ULK4: variants seen among roughly 807,000 people sequenced by gnomAD.
The protein encoded by ULK4 is unc-51 like kinase 4.
A neutral mutation model predicts 160.6 loss-of-function variants in ULK4; 133 were observed. That is an observed-to-expected ratio of 0.83 (90% CI 0.72 to 0.96). The LOEUF (loss-of-function observed/expected upper bound fraction) is 0.96. Ranked by LOEUF, ULK4 falls within the 40% of genes least tolerant of loss-of-function variation. The pLI is 0.00. For missense variants in ULK4, 1,580 were observed against 1,499.5 expected (o/e 1.05, Z -0.89); for synonymous variants, 534 against 539.8 (o/e 0.99, Z 0.15).
intron 29 of ULK4, among the ~76,000 whole-genome samples, chr3:41,667,076 C>T (rs973630385): frequency 6.6e-6 from 1 of 151,892 alleles, no homozygotes; most frequent in Non-Finnish European, 1.5e-5. Context: ...ATTGCTTGAG[C>T]CCAGGCATTT....
Position 41,431,547 on chromosome 3 carries a change from C to CTTTTTTTTTTTTTTTTTTTTTTTT in ULK4, c.3492+23949_3492+23950insAAAAAAAAAAAAAAAAAAAAAAAA, listed in dbSNP as rs1553664758. On this transcript the variant is annotated intron_variant, in intron 34 of 36. Transcript: ENST00000301831. Reference sequence around the variant, plus strand: ...CCTGTGAGGTGTTGTAATTCCCTCCCTTTTTTTTTTTTTTTGATGTGGAAA... The same window carrying CTTTTTTTTTTTTTTTTTTTTTTTT: ...CCTGTGAGGTGTTGTAATTCCCTCCCTTTTTTTTTTTTTTTTTTTTTTTTTTTTTTTTTTTTTTTGATGTGGAAA... Among the ~76,000 whole-genome samples the CTTTTTTTTTTTTTTTTTTTTTTTT allele has an allele frequency of 7.5e-3, 718 of 95,658 alleles. 67 individuals are homozygous for CTTTTTTTTTTTTTTTTTTTTTTTT. Among genetic ancestry groups the CTTTTTTTTTTTTTTTTTTTTTTTT allele is most frequent in the East Asian group, 0.017 (39 of 2,254 alleles). The allele number at this position is 95,658 out of a possible 152,430, so 62.8% of individuals were successfully genotyped here.
At chr3:41,774,298 G>C (rs2039519790) in intron 21 of ULK4, among the ~76,000 whole-genome samples, 1 of 150,466 alleles carries the variant, frequency 6.6e-6, no homozygotes, top group Non-Finnish European at 1.5e-5. Flanking sequence ...CTACAAAATG[G>C]GAGAAAATTT....
chr3:41,577,286 GACCTTGGAAGA>G (rs375671892), intron 31 of ULK4, among the ~76,000 whole-genome samples: 80 of 152,250 alleles, frequency 5.3e-4, no homozygotes, highest in African/African-American at 1.8e-3. Context: ...TAAGCTACTA[GACCTTGGAAGA>G]ATCTTAGAGA....
intron 34 of ULK4, among the ~76,000 whole-genome samples, chr3:41,410,531 G>A (rs2082389318): frequency 6.6e-6 from 1 of 152,122 alleles, no homozygotes; most frequent in South Asian, 2.1e-4. Context: ...AATGGGGAAT[G>A]ACTTTTAATG....
At chr3:41,597,031 G>A (rs2031740188) in intron 31 of ULK4, among the ~76,000 whole-genome samples, 1 of 152,146 alleles carries the variant, frequency 6.6e-6, no homozygotes, top group Non-Finnish European at 1.5e-5. Flanking sequence ...GCTCCCTTGG[G>A]TTGGGGTTGG....
intron 30 of ULK4, among the ~76,000 whole-genome samples, chr3:41,648,760 A>G (rs370931400): frequency 7.9e-5 from 12 of 152,258 alleles, no homozygotes; most frequent in South Asian, 4.1e-4. Context: ...AAGAACATCA[A>G]TCTAGCAGGT....
intron 21 of ULK4, among the ~76,000 whole-genome samples, chr3:41,789,150 C>T (rs10510727): frequency 0.037 from 5,690 of 151,996 alleles, 372 homozygotes; most frequent in African/African-American, 0.13. Context: ...TTCTGTGATA[C>T]GAATTTAGTA....
At chr3:41,424,831 C>CAAAAAAAA (rs36097613) in intron 34 of ULK4, among the ~76,000 whole-genome samples, 1 of 62,400 alleles carries the variant, frequency 1.6e-5, no homozygotes, top group Admixed American at 1.9e-4. Flanking sequence ...AAGAAATCAT[C>CAAAAAAAA]AAAAAAAAAA....
At chr3:41,431,528 A>C (rs2082907143) in intron 34 of ULK4, among the ~76,000 whole-genome samples, 1 of 95,396 alleles carries the variant, frequency 1.0e-5, no homozygotes, top group Non-Finnish European at 2.1e-5. Context: ...CAATCCTGTG[A>C]GGTGTTGTAA....
chr3:41,458,163 G>T (rs1043178640), intron 33 of ULK4, among the ~76,000 whole-genome samples: 1 of 152,148 alleles, frequency 6.6e-6, no homozygotes, highest in African/African-American at 2.4e-5. Flanking sequence ...TGAGCAAGCT[G>T]CTAGGTATAT....
At chr3:41,281,564 A>G (rs2079353364) in intron 35 of ULK4, among the ~76,000 whole-genome samples, 1 of 152,182 alleles carries the variant, frequency 6.6e-6, no homozygotes, top group South Asian at 2.1e-4. Context: ...TGATTATCTC[A>G]TTAGAGGCAG....
In ULK4 at chr3:41,674,820, G is replaced by A. The variant is rs768601980; in HGVS notation, c.2978+6688C>T. Among the ~76,000 whole-genome samples, 6 of 152,146 alleles carry A rather than the reference G, an allele frequency of 3.9e-5. No homozygotes were observed. The South Asian group carries it at 6.2e-4, about 16-fold the overall frequency. On this transcript the variant is annotated intron_variant, in intron 29 of 36. Coordinates refer to ENST00000301831, the MANE Select transcript of ULK4 (RefSeq NM_017886.4). The stretch of plus-strand genomic sequence containing the variant: ...TAAGAAGAAATACAGGTACCTTAAC[G>A]CACATGAGACAGCAAAGATATGGGT...
intron 32 of ULK4, among the ~76,000 whole-genome samples, chr3:41,493,264 A>G (rs1460496303): frequency 6.8e-6 from 1 of 146,904 alleles, no homozygotes; most frequent in African/African-American, 2.5e-5. Flanking sequence ...AGAACTCAGG[A>G]TTAAGAAACT....
At chr3:41,272,761 T>C (rs1354204125) in intron 35 of ULK4, among the ~76,000 whole-genome samples, 1 of 152,202 alleles carries the variant, frequency 6.6e-6, no homozygotes, top group Non-Finnish European at 1.5e-5. Flanking sequence ...CACTTAAAGT[T>C]ATCCAACAGT....
intron 31 of ULK4, among the ~76,000 whole-genome samples, chr3:41,593,914 T>C (rs1486575738): frequency 2.0e-5 from 3 of 151,092 alleles, no homozygotes; most frequent in Non-Finnish European, 1.5e-5. Context: ...GTATCTGTAG[T>C]CCCAGCTACC....
At chr3:41,864,193 G>C (rs2042566367) in intron 17 of ULK4, among the ~76,000 whole-genome samples, 1 of 152,118 alleles carries the variant, frequency 6.6e-6, no homozygotes, top group African/African-American at 2.4e-5. Context: ...CATCAGCTGA[G>C]TTTGGTCTTG....
intron 13 of ULK4, among the ~76,000 whole-genome samples, chr3:41,899,563 A>C (rs1207545641): frequency 6.6e-6 from 1 of 152,218 alleles, no homozygotes; most frequent in Non-Finnish European, 1.5e-5. Flanking sequence ...AAAGTGGCCC[A>C]ACACAAATTT....
intron 1 of ULK4, among the ~76,000 whole-genome samples, chr3:41,955,193 G>C (rs964240507): frequency 6.6e-6 from 1 of 152,214 alleles, no homozygotes; most frequent in Non-Finnish European, 1.5e-5. Flanking sequence ...GGGAGGCTGA[G>C]GCAGGGGAAT....
intron 29 of ULK4, among the ~76,000 whole-genome samples, chr3:41,675,213 C>T (rs751636554): frequency 6.6e-5 from 10 of 151,938 alleles, no homozygotes; most frequent in Non-Finnish European, 1.2e-4. Flanking sequence ...GCACTCCAGC[C>T]TGGCGACAAA....
Sources: allele counts gnomAD v4.1 joint callset (sites outside exome capture counted in the v4.1 genomes callset), GRCh38; gene constraint gnomAD v4.1.1; transcripts MANE v1.5; gene names NCBI Gene and HGNC (gene_info 2026-07-23, HGNC 2026-07-21).